TRIP4: variants seen among roughly 807,000 people sequenced by gnomAD.
TRIP4 encodes activating signal cointegrator 1.
TRIP4 carries 54 observed loss-of-function variants against 81.8 expected under a neutral mutation model. The observed-to-expected ratio is 0.66, with a 90% CI of 0.53 to 0.83. The LOEUF (loss-of-function observed/expected upper bound fraction) is 0.83, where lower values mean the gene tolerates loss of function less well. Ranked by LOEUF, TRIP4 falls within the 40% of genes least tolerant of loss-of-function variation. TRIP4 has a pLI of 0.00. For synonymous variants in TRIP4, 270 were observed against 242.8 expected (o/e 1.11, Z -1.04); for missense variants, 662 against 683.6 (o/e 0.97, Z 0.35).
In TRIP4 at chr15:64,413,951, G is replaced by A. The variant is rs144876652; in HGVS notation, c.1044-134G>A. On this transcript the variant is annotated intron_variant, in intron 7 of 12. Transcript: ENST00000261884. ...GGTGTGAGAAGGAAGTTGGAGTGGG[G>A]AGTAGGGAAGGTCATCCATAGACTC... 9.2e-4 allele frequency: 836 copies of A among 907,486 alleles called. 4 individuals are homozygous for A. The African/African-American group carries it at 0.012, about 14-fold the overall frequency. 56.2% of individuals were successfully genotyped at this position (907,486 alleles called of 1,614,324 possible). A position where few individuals can be genotyped will look rare whatever the true frequency, so the allele number is the denominator to read the frequency against.
intron 2 of TRIP4, 136 bp from the exon 3 acceptor site, chr15:64,395,262 G>C: frequency 1.4e-6 from 1 of 713,346 alleles, no homozygotes. Flanking sequence ...GACAGGAAAA[G>C]ATAATTAAAA....
intron 11 of TRIP4, among the ~76,000 whole-genome samples, chr15:64,430,514 A>G (rs888002578): frequency 2.0e-5 from 3 of 151,604 alleles, no homozygotes; most frequent in Admixed American, 2.0e-4. Context: ...TTTTTTTTTT[A>G]ACAAAGACAT....
intron 4 of TRIP4, among the ~76,000 whole-genome samples, chr15:64,399,937 C>T (rs1340610758): frequency 6.7e-5 from 10 of 148,678 alleles, no homozygotes; most frequent in South Asian, 2.1e-4. Flanking sequence ...ATGGTGCCAC[C>T]GCACTCCAGT....
intron 5 of TRIP4, 48 bp downstream of exon 5, chr15:64,400,869 T>C (rs768066258): frequency 4.8e-6 from 7 of 1,460,708 alleles, no homozygotes; most frequent in African/African-American, 4.2e-5. Flanking sequence ...GGGTACCTTG[T>C]TGCGTCTGTG....
chr15:64,454,598 CA>C (rs138653262), intron 12 of TRIP4, among the ~76,000 whole-genome samples: 1,976 of 152,218 alleles, frequency 0.013, 33 homozygotes, highest in African/African-American at 0.046. Flanking sequence ...TGTGAAGGTT[CA>C]TGCATTATGC....
chr15:64,409,232 A>G (rs1191041805), intron 6 of TRIP4, among the ~76,000 whole-genome samples: 1 of 152,104 alleles, frequency 6.6e-6, no homozygotes, highest in Non-Finnish European at 1.5e-5. Context: ...CAGAACTGAG[A>G]CTTAAGCATA....
At chr15:64,432,743 C>G (rs1951481125) in intron 11 of TRIP4, among the ~76,000 whole-genome samples, 1 of 151,840 alleles carries the variant, frequency 6.6e-6, no homozygotes, top group East Asian at 1.9e-4. Flanking sequence ...AACCCCTTCT[C>G]TACTAAAAAT....
intron 11 of TRIP4, among the ~76,000 whole-genome samples, chr15:64,438,623 G>C (rs72741327): frequency 0.049 from 7,386 of 152,252 alleles, 236 homozygotes; most frequent in South Asian, 0.09. Context: ...GTGTTCACTA[G>C]TTTAAGTTGG....
At chr15:64,403,931 C>T (rs987232249) in intron 5 of TRIP4, among the ~76,000 whole-genome samples, 7 of 152,120 alleles carry the variant, frequency 4.6e-5, no homozygotes, top group African/African-American at 9.7e-5. Context: ...GTGGCTCATG[C>T]CTGTAATCCT....
chr15:64,387,980 G>T lies in TRIP4; in HGVS notation c.101+16G>T, dbSNP rs1899998565. On this transcript the variant is annotated intron_variant, in intron 1 of 12. Transcript: ENST00000261884. ...AGATCATTCAGTGAGAACAGTTCGG[G>T]TCCAAGCGGGGAAGGAGCTCTGGGA... 8 of 1,543,716 alleles carry T rather than the reference G, an allele frequency of 5.2e-6. No individual in the cohort carries two copies. The highest frequency in any genetic ancestry group is 3.5e-6 in the Non-Finnish European group (4 of 1,142,306).
intron 11 of TRIP4, among the ~76,000 whole-genome samples, chr15:64,440,184 G>A (rs189515557): frequency 6.6e-6 from 1 of 151,984 alleles, no homozygotes; most frequent in East Asian, 1.9e-4. Context: ...AGTGAGCTAC[G>A]AACACACCAC....
chr15:64,406,203 T>C (rs781248306), intron 5 of TRIP4, 127 bp from the exon 6 acceptor site: 1 of 1,158,406 alleles, frequency 8.6e-7, no homozygotes, highest in Non-Finnish European at 1.2e-6. Flanking sequence ...TTGTTTTCTG[T>C]TGAAATGAAG....
rs554007946 is a variant in TRIP4 at position 64,446,213 on chromosome 15, G to A, written c.1678+1105G>A. The stretch of plus-strand genomic sequence containing the variant: ...CGCTTGAACTCGGGAGGCAGAGGTT[G>A]CAGTGAGCCGAGATCACGCCACTGC... On this transcript the variant is annotated intron_variant, in intron 12 of 12. Transcript: ENST00000261884. 2.0e-5 allele frequency among the ~76,000 whole-genome samples: 3 copies of A among 151,938 alleles called. No homozygotes were observed. The East Asian group carries it at 5.9e-4, about 30-fold the overall frequency.
At chr15:64,420,093 T>G (rs1364239267) in intron 9 of TRIP4, among the ~76,000 whole-genome samples, 2 of 151,676 alleles carry the variant, frequency 1.3e-5, no homozygotes, top group Non-Finnish European at 2.9e-5. Flanking sequence ...GGATTATAGG[T>G]GTGAGCCACT....
intron 7 of TRIP4, among the ~76,000 whole-genome samples, chr15:64,412,575 C>T (rs1267212837): frequency 1.4e-5 from 2 of 147,278 alleles, no homozygotes; most frequent in African/African-American, 4.9e-5. Context: ...AAAAAAAAGC[C>T]TCTTGAAGGC....
intron 12 of TRIP4, among the ~76,000 whole-genome samples, chr15:64,446,530 G>A (rs564391176): frequency 2.0e-4 from 30 of 147,934 alleles, no homozygotes; most frequent in East Asian, 6.5e-4. Context: ...TCACCCTCCC[G>A]AGTAGCTGGG....
intron 7 of TRIP4, among the ~76,000 whole-genome samples, chr15:64,413,851 C>T (rs957146818): frequency 2.0e-4 from 31 of 152,064 alleles, no homozygotes; most frequent in Admixed American, 9.2e-4. Context: ...CTCCCAAAGT[C>T]CTGGAATTAC....
intron 2 of TRIP4, among the ~76,000 whole-genome samples, 168 bp from the exon 3 acceptor site, chr15:64,395,230 G>T (rs533285551): frequency 1.3e-5 from 2 of 152,254 alleles, no homozygotes; most frequent in Admixed American, 6.5e-5. Flanking sequence ...TGGAAATGAT[G>T]ATTTAAATTT....
At chr15:64,392,941 G>A (rs1414331843) in intron 1 of TRIP4, among the ~76,000 whole-genome samples, 12 of 151,916 alleles carry the variant, frequency 7.9e-5, no homozygotes, top group Non-Finnish European at 1.5e-5. Flanking sequence ...GAGGCCCAAA[G>A]GCACAAATTT....
Sources: allele counts gnomAD v4.1 joint callset (sites outside exome capture counted in the v4.1 genomes callset), GRCh38; gene constraint gnomAD v4.1.1; transcripts MANE v1.5; gene names NCBI Gene and HGNC (gene_info 2026-07-23, HGNC 2026-07-21).